The following NXPH2 variants were observed in gnomAD, a reference collection of about 807,000 sequenced individuals.
NXPH2 encodes the protein neurexophilin-2.
Under a neutral mutation model 19.8 loss-of-function variants are expected in NXPH2, and 5 were observed. That is an observed-to-expected ratio of 0.25 (90% CI 0.13 to 0.53). The LOEUF (loss-of-function observed/expected upper bound fraction) is 0.53, where lower values mean the gene tolerates loss of function less well. NXPH2 is among the 20% of genes least tolerant of loss of function. The pLI, the probability that NXPH2 is intolerant of heterozygous loss-of-function variation, is 0.96. For synonymous variants in NXPH2, 154 were observed against 127.4 expected (o/e 1.21, Z -1.41); for missense variants, 289 against 322.8 (o/e 0.90, Z 0.80).
At chr2:138,766,114 T>C (rs112384053) in intron 1 of NXPH2, among the ~76,000 whole-genome samples, 2 of 152,184 alleles carry the variant, frequency 1.3e-5, no homozygotes, top group Non-Finnish European at 2.9e-5. Context: ...AAAGGAAAAT[T>C]TGTCCAACAG....
chr2:138,700,177 C>G (rs1212516867), intron 1 of NXPH2, among the ~76,000 whole-genome samples: 1 of 152,168 alleles, frequency 6.6e-6, no homozygotes, highest in Non-Finnish European at 1.5e-5. Flanking sequence ...CCCCAAATCC[C>G]TTTATTATCC....
chr2:138,734,616 C>T (rs1681511001), intron 1 of NXPH2, among the ~76,000 whole-genome samples: 2 of 152,076 alleles, frequency 1.3e-5, no homozygotes, highest in Admixed American at 1.3e-4. Context: ...ATGGGAATGC[C>T]AGCTATAAAG....
Sources: gnomAD v4.1 joint callset for allele counts (sites outside exome capture counted in the v4.1 genomes callset) on GRCh38, gnomAD v4.1.1 for gene constraint, MANE v1.5 for transcripts, NCBI Gene and HGNC (gene_info 2026-07-23, HGNC 2026-07-21) for gene names.